The following PTCHD1 variants were observed in gnomAD, a reference collection of about 807,000 sequenced individuals.
PTCHD1 encodes the protein patched domain containing 1, also known as patched domain-containing protein 1.
In PTCHD1, 3 loss-of-function variants were observed where a neutral mutation model predicts 34.6. The ratio of observed to expected loss-of-function variants is 0.09; its 90% CI spans 0.04 to 0.22. The LOEUF is 0.22. Among genes scored for constraint, PTCHD1 ranks in the 10% least tolerant of loss-of-function variants. The pLI, the probability that PTCHD1 is intolerant of heterozygous loss-of-function variation, is 1.00. For synonymous variants in PTCHD1, 305 were observed against 283.1 expected, an observed-to-expected ratio of 1.08 and a Z score of -0.77; for missense variants, 504 against 685.5, an observed-to-expected ratio of 0.74 and a Z score of 2.96.
chrX:23,342,266 CTATATATA>C (rs1194698667), intron 1 of PTCHD1, among the ~76,000 whole-genome samples: 532 of 31,039 alleles, frequency 0.017, 12 homozygotes, highest in Non-Finnish European at 0.023. Context: ...GTGTTTCTCC[CTATATATA>C]TATATATATA....
intron 1 of PTCHD1, among the ~76,000 whole-genome samples, chrX:23,340,184 A>G (rs1921268519): frequency 8.9e-6 from 1 of 112,151 alleles, no homozygotes; most frequent in Non-Finnish European, 1.9e-5. Flanking sequence ...TTTTTTTGCT[A>G]CTTTGATTAT....
intron 1 of PTCHD1, among the ~76,000 whole-genome samples, chrX:23,350,765 A>C (rs1921611023): frequency 9.0e-6 from 1 of 110,994 alleles, no homozygotes; most frequent in Non-Finnish European, 1.9e-5. Context: ...AAATAGGCAA[A>C]GGTAGAGAAG....
intron 2 of PTCHD1, among the ~76,000 whole-genome samples, chrX:23,381,582 G>A (rs1402259354): frequency 8.9e-6 from 1 of 111,824 alleles, no homozygotes; most frequent in East Asian, 2.8e-4. Context: ...CACGATAAGC[G>A]GGGCTGGTGG....
At chrX:23,337,344 C>T (rs1013366341) in intron 1 of PTCHD1, among the ~76,000 whole-genome samples, 2 of 111,806 alleles carry the variant, frequency 1.8e-5, no homozygotes, top group African/African-American at 6.5e-5. Context: ...TGAGTTCATA[C>T]AGCTTATAAA....
chrX:23,376,222 A>G (rs772633299), intron 1 of PTCHD1, among the ~76,000 whole-genome samples: 1 of 112,737 alleles, frequency 8.9e-6, no homozygotes, highest in South Asian at 3.7e-4. Flanking sequence ...ATACATAGTT[A>G]TAGAAACATG....
At chrX:23,378,568 G>A (rs1023805102) in intron 1 of PTCHD1, among the ~76,000 whole-genome samples, 3 of 112,044 alleles carry the variant, frequency 2.7e-5, no homozygotes, top group Non-Finnish European at 5.6e-5. Flanking sequence ...TGTATGGTGA[G>A]GGGCCAAGAG....
intron 1 of PTCHD1, among the ~76,000 whole-genome samples, chrX:23,357,154 T>C (rs937552461): frequency 3.6e-5 from 4 of 112,040 alleles, no homozygotes; most frequent in Non-Finnish European, 7.5e-5. Context: ...TTTAGCTTAC[T>C]GGTCTTGAAG....
chrX:23,362,057 A>T (rs2146627309), intron 1 of PTCHD1, among the ~76,000 whole-genome samples: 1 of 112,047 alleles, frequency 8.9e-6, no homozygotes, highest in Admixed American at 9.4e-5. Flanking sequence ...GGGTAACCCG[A>T]CCTTTCTCTC....
chrX:23,369,646 C>T (rs963472320), intron 1 of PTCHD1, among the ~76,000 whole-genome samples: 7 of 111,699 alleles, frequency 6.3e-5, no homozygotes, highest in African/African-American at 2.0e-4. Flanking sequence ...GCACAATGTC[C>T]GGCACTTAGC....
intron 1 of PTCHD1, among the ~76,000 whole-genome samples, chrX:23,366,551 C>T (rs927419579): frequency 3.6e-5 from 4 of 111,884 alleles, no homozygotes; most frequent in Non-Finnish European, 5.6e-5. Flanking sequence ...ACGCCCTGAG[C>T]CAAACCTCTG....
intron 1 of PTCHD1, 45 bp from the exon 2 acceptor site, chrX:23,379,546 T>C (rs1262518519): frequency 5.1e-6 from 6 of 1,178,306 alleles, no homozygotes; most frequent in Admixed American, 4.4e-5. Flanking sequence ...AAAATAAAAA[T>C]AGAAATATTT....
chrX:23,353,640 A>G (rs1481344752), intron 1 of PTCHD1, among the ~76,000 whole-genome samples: 9 of 111,957 alleles, frequency 8.0e-5, no homozygotes, highest in African/African-American at 2.9e-4. Flanking sequence ...AAGAGATCCT[A>G]CCTAAGATGA....
intron 1 of PTCHD1, among the ~76,000 whole-genome samples, chrX:23,359,734 A>G (rs1921916422): frequency 8.9e-6 from 1 of 112,091 alleles, no homozygotes; most frequent in South Asian, 3.7e-4. Flanking sequence ...GCCAGTTTTC[A>G]AAGGGAATAC....
At position 23,396,289 on chromosome X, in the gene PTCHD1, A is replaced by G. The variant is rs1313692604; in HGVS notation, c.*2104A>G. 8.9e-6 allele frequency: 1 copy of G among 112,281 alleles called. No individual in the cohort carries two copies. Among genetic ancestry groups the G allele is most frequent in the Non-Finnish European group, 1.9e-5 (1 of 53,228 alleles). 9.3% of individuals were successfully genotyped at this position (112,281 alleles called of 1,213,427 possible). ...ATCATACCAACGTGTTATACACTCA[A>G]CTAGAAGATAATAAGCTTTAATCTG... is the stretch of plus-strand genomic sequence containing the variant. On this transcript the variant is annotated 3_prime_UTR_variant, in exon 3 of 3. Coordinates refer to ENST00000379361, the MANE Select transcript of PTCHD1 (RefSeq NM_173495.3).
In PTCHD1 at chrX:23,403,766, T is replaced by C. The variant is rs775227306; in HGVS notation, c.*9581T>C. ...GTGTATGCCACCCCAGACCCCTGCATTTCTTAATATCTATAAAAATATGAC... is the reference window on the plus strand; with the variant it reads ...GTGTATGCCACCCCAGACCCCTGCACTTCTTAATATCTATAAAAATATGAC... On this transcript the variant is annotated 3_prime_UTR_variant, in exon 3 of 3. Coordinates refer to ENST00000379361, the MANE Select transcript of PTCHD1 (RefSeq NM_173495.3). 1 of 111,719 alleles carries C rather than the reference T, an allele frequency of 9.0e-6. No homozygotes were observed. The highest frequency in any genetic ancestry group is 3.8e-4 in the South Asian group (1 of 2,619). The allele number at this position is 111,719 out of a possible 1,213,427, so 9.2% of individuals were successfully genotyped here.
Position 23,397,949 on chromosome X carries a change from C to G in PTCHD1, c.*3764C>G, listed in dbSNP as rs979338858. On this transcript the variant is annotated 3_prime_UTR_variant, in exon 3 of 3. Transcript: ENST00000379361. Reference sequence around the variant, plus strand: ...ATAGTAGTGTTTGACCTCTGTGACTCTGTTTTCTCATCTGTAAAATGGGGA... The same window carrying G: ...ATAGTAGTGTTTGACCTCTGTGACTGTGTTTTCTCATCTGTAAAATGGGGA... The G allele has an allele frequency of 2.7e-5, 3 of 112,080 alleles. No individual in the cohort carries two copies. The highest frequency in any genetic ancestry group is 5.6e-5 in the Non-Finnish European group (3 of 53,286). The allele number at this position is 112,080 out of a possible 1,213,427, so 9.2% of individuals were successfully genotyped here.
Position 23,390,553 on chromosome X carries a change from T to G in PTCHD1, c.1013-1978T>G, listed in dbSNP as rs185163209. ...CAGGATGCCAGTCAATGAGTGTACT[T>G]TTTACTTCATATCTGGGGAGTTTAG... On this transcript the variant is annotated intron_variant, in intron 2 of 2. Transcript: ENST00000379361. Among the ~76,000 whole-genome samples, 16 of 111,618 alleles carry G rather than the reference T, an allele frequency of 1.4e-4. No individual in the cohort carries two copies. In the East Asian group the frequency reaches 4.5e-3, roughly 31 times the overall value.
chrX:23,346,294 C>T (rs1320891730), intron 1 of PTCHD1, among the ~76,000 whole-genome samples: 1 of 111,653 alleles, frequency 9.0e-6, no homozygotes, highest in Non-Finnish European at 1.9e-5. Context: ...GCAGGAGCCA[C>T]TGAGATGGTA....
At chrX:23,369,307 C>T (rs985659592) in intron 1 of PTCHD1, among the ~76,000 whole-genome samples, 2 of 111,128 alleles carry the variant, frequency 1.8e-5, no homozygotes, top group African/African-American at 6.6e-5. Flanking sequence ...CATGTTTGAC[C>T]CCCGACTTTG....
Sources: allele counts gnomAD v4.1 joint callset (sites outside exome capture counted in the v4.1 genomes callset), GRCh38; gene constraint gnomAD v4.1.1; transcripts MANE v1.5; gene names NCBI Gene and HGNC (gene_info 2026-07-23, HGNC 2026-07-21).